Variants in CFAP46 observed in about 807,000 individuals in gnomAD.
CFAP46 encodes the protein cilia and flagella associated protein 46.
In CFAP46, 245 loss-of-function variants were observed where a neutral mutation model predicts 325.7. The ratio of observed to expected loss-of-function variants is 0.75; its 90% CI spans 0.68 to 0.84. The LOEUF (loss-of-function observed/expected upper bound fraction) is 0.84, where lower values mean the gene tolerates loss of function less well. Ranked by LOEUF, CFAP46 falls within the 40% of genes least tolerant of loss-of-function variation. The probability of loss-of-function intolerance (pLI) is 0.00; values close to 1 mark genes in which losing one functional copy is unlikely to be tolerated. For missense variants in CFAP46, 3,346 were observed against 3,543.0 expected, an observed-to-expected ratio of 0.94 and a Z score of 1.41; for synonymous variants, 1,523 against 1,495.9, an observed-to-expected ratio of 1.02 and a Z score of -0.42.
At chr10:132,882,491 G>A (rs751879353) in intron 27 of CFAP46, among the ~76,000 whole-genome samples, 4 of 151,856 alleles carry the variant, frequency 2.6e-5, no homozygotes, top group African/African-American at 9.7e-5. Context: ...GCAACATCTC[G>A]AGGGGGAAGG....
Position 132,934,967 on chromosome 10 carries a change from G to A in CFAP46, c.756-105C>T, listed in dbSNP as rs555464559. On this transcript the variant is annotated intron_variant, in intron 7 of 57. Coordinates refer to ENST00000368586, the MANE Select transcript of CFAP46 (RefSeq NM_001200049.3). The stretch of plus-strand genomic sequence containing the variant: ...ATGAAATTGTGTTTCTCACTGAAGA[G>A]GAGACTGAAAATAACCCCTCCTGCC... 1.3e-5 allele frequency: 10 copies of A among 788,926 alleles called. No individual in the cohort carries two copies. In the South Asian group the frequency reaches 1.4e-4, roughly 11 times the overall value. 48.9% of individuals were successfully genotyped at this position (788,926 alleles called of 1,614,324 possible).
intron 21 of CFAP46, among the ~76,000 whole-genome samples, chr10:132,908,864 A>G (rs920340302): frequency 6.6e-6 from 1 of 152,220 alleles, no homozygotes; most frequent in Non-Finnish European, 1.5e-5. Flanking sequence ...TGGCGTGTGC[A>G]GCCCTTGGCT....
intron 22 of CFAP46, among the ~76,000 whole-genome samples, chr10:132,903,095 G>T (rs987450582): frequency 2.7e-5 from 4 of 147,482 alleles, no homozygotes; most frequent in Non-Finnish European, 6.0e-5. Context: ...AGTGAGTTAC[G>T]CCCCAATGTG....
At chr10:132,915,033 T>C (rs1849615305) in intron 17 of CFAP46, among the ~76,000 whole-genome samples, 1 of 152,264 alleles carries the variant, frequency 6.6e-6, no homozygotes, top group African/African-American at 2.4e-5. Context: ...ACAGGGTCTG[T>C]CCGTCCCGCT....
chr10:132,865,934 T>C, intron 35 of CFAP46, 91 bp downstream of exon 35: 1 of 1,286,442 alleles, frequency 7.8e-7, no homozygotes, highest in Non-Finnish European at 1.0e-6. Context: ...AGCTGAACGC[T>C]ACAGCCCAAG....
rs779396415 is a variant in CFAP46, at chr10:132,937,629, C to T, written c.583G>A (p.Ala195Thr). 1 of 1,612,858 alleles carries T rather than the reference C, an allele frequency of 6.2e-7. No homozygotes were observed. Among genetic ancestry groups the T allele is most frequent in the Non-Finnish European group, 8.5e-7 (1 of 1,179,704 alleles). The change falls in exon 6 of 58, where the codon GCC becomes ACC. Residue 195 changes from alanine to threonine, a missense_variant. Coordinates refer to ENST00000368586, the MANE Select transcript of CFAP46 (RefSeq NM_001200049.3). ...GGAGCTGCCGTGGAGCAGAACCTGG[C>T]AGCCTCCTCCTTTCTTCCGGCTTGC... ...YLQAGRKEEAARFCSTAAPFI... is the reference protein window; with the variant it reads ...YLQAGRKEEATRFCSTAAPFI...
rs192982509 is a variant in CFAP46, at chr10:132,814,800, G to A, written c.7188+44C>T. The stretch of plus-strand genomic sequence containing the variant: ...GCAGGGGCCAGGAGCCTGACCTCCC[G>A]CTGTGCCCACCAGCCCGATCCCCTA... On this transcript the variant is annotated intron_variant, in intron 51 of 57. Transcript: ENST00000368586. 11,996 of 1,613,492 alleles carry A rather than the reference G, an allele frequency of 7.4e-3. 63 individuals carry two copies. The highest frequency in any genetic ancestry group is 9.0e-3 in the Non-Finnish European group (10,643 of 1,179,590).
chr10:132,854,292 T>C (rs1051668370), intron 39 of CFAP46, among the ~76,000 whole-genome samples: 3 of 152,196 alleles, frequency 2.0e-5, no homozygotes, highest in African/African-American at 7.2e-5. Flanking sequence ...ATTTTTCAAA[T>C]CTTTGGCATT....
At position 132,844,177 on chromosome 10, in the gene CFAP46, G is replaced by A. The variant is rs566992902; in HGVS notation, c.6438+1880C>T. Among the ~76,000 whole-genome samples the A allele has an allele frequency of 7.5e-5, 11 of 147,094 alleles. No homozygotes were observed. The South Asian group carries it at 8.8e-4, about 12-fold the overall frequency. On this transcript the variant is annotated intron_variant, in intron 44 of 57. Transcript: ENST00000368586. ...CTGTGGGGCTCTGCTCTCAATGGGC[G>A]TTCCCAGGGTGCTGCGGGGCTGCTC...
rs1564770648 is a variant in CFAP46, at chr10:132,832,386, C to CT, written c.7117+971dup. 7.2e-6 allele frequency among the ~76,000 whole-genome samples: 1 copy of CT among 138,500 alleles called. No individual in the cohort carries two copies. The highest frequency in any genetic ancestry group is 3.0e-5 in the African/African-American group (1 of 33,822). The allele number at this position is 138,500 out of a possible 152,430, so 90.9% of individuals were successfully genotyped here. A position where few individuals can be genotyped will look rare whatever the true frequency, so the allele number is the denominator to read the frequency against. On this transcript the variant is annotated intron_variant, in intron 50 of 57. Coordinates refer to ENST00000368586, the MANE Select transcript of CFAP46 (RefSeq NM_001200049.3). This position sits in a 1 kb window ranked among gnomAD's most constrained non-coding sequence, Gnocchi z 4.1. ...ACTTGCGGAGACCCCTGGGCTCTTC[C>CT]TGCCCCCCCCCCCCAATGCTGTGGC...
chr10:132,939,639 G>GTTTCCAGGT lies in CFAP46; in HGVS notation c.372-895_372-887dup, dbSNP rs1850066711. Among the ~76,000 whole-genome samples the GTTTCCAGGT allele has an allele frequency of 6.6e-6, 1 of 152,166 alleles. No individual in the cohort carries two copies. Among genetic ancestry groups the GTTTCCAGGT allele is most frequent in the South Asian group, 2.1e-4 (1 of 4,826 alleles). ...GTGACCCTAGGACAGGACTCATCCT[G>GTTTCCAGGT]TTTCCAGGTTTTCAGGAGAGGAGCG... On this transcript the variant is annotated intron_variant, in intron 4 of 57. Transcript: ENST00000368586. This position sits in a 1 kb window ranked among gnomAD's most constrained non-coding sequence, Gnocchi z 4.6.
intron 25 of CFAP46, among the ~76,000 whole-genome samples, chr10:132,890,602 C>T (rs567971187): frequency 6.6e-6 from 1 of 152,280 alleles, no homozygotes; most frequent in East Asian, 1.9e-4. Context: ...TGCGCTCTTC[C>T]ACACTTCCGT....
At chr10:132,900,047 C>T (rs1849372718) in intron 22 of CFAP46, among the ~76,000 whole-genome samples, 1 of 152,204 alleles carries the variant, frequency 6.6e-6, no homozygotes, top group African/African-American at 2.4e-5. Flanking sequence ...AGCTGACTCT[C>T]ACAGTAACCT....
In CFAP46 at chr10:132,827,567, G is replaced by A. The variant is rs1470861813; in HGVS notation, c.7117+5791C>T. On this transcript the variant is annotated intron_variant, in intron 50 of 57. Transcript: ENST00000368586. This position sits in a 1 kb window ranked among gnomAD's most constrained non-coding sequence, Gnocchi z 5.7. Reference sequence around the variant, plus strand: ...GGTCACAGGAAGGCTCGGAGTGCCAGAGTACAGAGTCCAATTTGAGCATTG... The same window carrying A: ...GGTCACAGGAAGGCTCGGAGTGCCAAAGTACAGAGTCCAATTTGAGCATTG... 6.6e-6 allele frequency among the ~76,000 whole-genome samples: 1 copy of A among 152,074 alleles called. No homozygotes were observed. The highest frequency in any genetic ancestry group is 1.5e-5 in the Non-Finnish European group (1 of 68,030).
intron 48 of CFAP46, among the ~76,000 whole-genome samples, 191 bp downstream of exon 48, chr10:132,834,463 G>A (rs1197408606): frequency 6.6e-6 from 1 of 152,208 alleles, no homozygotes; most frequent in African/African-American, 2.4e-5. Flanking sequence ...TGGGCAGTGG[G>A]CAGTACTCCT....
Position 132,846,076 on chromosome 10 carries a change from C to T in CFAP46, c.6419G>A (p.Arg2140Lys). The T allele has an allele frequency of 6.3e-7, 1 of 1,590,848 alleles. No homozygotes were observed. The highest frequency in any genetic ancestry group is 1.3e-5 in the African/African-American group (1 of 74,786). Reference protein sequence around the residue: ...TTSLGARVEQRLAAVSKAWQN... With the variant: ...TTSLGARVEQKLAAVSKAWQN... The stretch of plus-strand genomic sequence containing the variant: ...GCTTACCTTGGACACGGCGGCCAGC[C>T]TCTGCTCCACACGGGCGCCCAGGCT... Residue 2140 changes from arginine (R) to lysine (K), a missense_variant, in exon 44 of 58, where the codon AGG becomes AAG. Coordinates refer to ENST00000368586, the MANE Select transcript of CFAP46 (RefSeq NM_001200049.3).
intron 37 of CFAP46, among the ~76,000 whole-genome samples, chr10:132,859,596 C>T (rs754361680): frequency 2.0e-5 from 3 of 152,140 alleles, no homozygotes; most frequent in African/African-American, 7.2e-5. Context: ...GCTGTTCACA[C>T]GCTGCAGCTG....
At position 132,847,259 on chromosome 10, in the gene CFAP46, T is replaced by G. The variant is rs756587016; in HGVS notation, c.6015A>C (p.Thr2005=). The G allele has an allele frequency of 6.2e-7, 1 of 1,613,322 alleles. No individual in the cohort carries two copies. Among genetic ancestry groups the G allele is most frequent in the African/African-American group, 1.3e-5 (1 of 74,888 alleles). The change falls in exon 42 of 58, where the codon ACA becomes ACC. Residue 2005 remains threonine (T), a synonymous_variant. Transcript: ENST00000368586. This position sits in a 1 kb window ranked among gnomAD's most constrained non-coding sequence, Gnocchi z 5.2. The part of the protein sequence containing the change: ...LELEVEEEGA[T]KSSRDPPASR... ...AGGCCGGCGGGTCCCTGCTGGACTT[T>G]GTGGCACCCTCTTCCTCTACCTCCA...
chr10:132,871,808 C>T (rs1309511254), intron 32 of CFAP46, among the ~76,000 whole-genome samples: 1 of 152,204 alleles, frequency 6.6e-6, no homozygotes, highest in East Asian at 1.9e-4. Context: ...ATATTCCATA[C>T]ATTGAGTTGA....
Sources: allele counts gnomAD v4.1 joint callset (sites outside exome capture counted in the v4.1 genomes callset), GRCh38; gene constraint gnomAD v4.1.1; non-coding constraint Gnocchi (gnomAD v3.1); transcripts MANE v1.5; gene names NCBI Gene and HGNC (gene_info 2026-07-23, HGNC 2026-07-21).